BSN: variants seen among roughly 807,000 people sequenced by gnomAD.
BSN encodes the protein protein bassoon.
Under a neutral mutation model 264.8 loss-of-function variants are expected in BSN, and 57 were observed. The ratio of observed to expected loss-of-function variants is 0.22; its 90% confidence interval spans 0.17 to 0.27. The LOEUF (loss-of-function observed/expected upper bound fraction) is 0.27. BSN is among the 10% of genes least tolerant of loss of function. The pLI, the probability that BSN is intolerant of heterozygous loss-of-function variation, is 1.00. For missense variants in BSN, 4,615 were observed against 5,232.5 expected, an observed-to-expected ratio of 0.88 and a Z score of 3.64; for synonymous variants, 2,059 against 2,137.3, an observed-to-expected ratio of 0.96 and a Z score of 1.01.
At chr3:49,560,090 AT>A (rs1166680514) in intron 1 of BSN, among the ~76,000 whole-genome samples, 9 of 152,090 alleles carry the variant, frequency 5.9e-5, no homozygotes, top group Admixed American at 5.2e-4. Flanking sequence ...CAGAAAAGTC[AT>A]GCCTTTCACC....
Position 49,660,622 on chromosome 3 carries a change from G to A in BSN, c.8777G>A (p.Gly2926Glu). ...TATGCAGCCAGCCTGCTGCAGCGAG[G>A]GCTGACGGGGCCCACCACTGTCCCT... ...QLYAASLLQRGLTGPTTVPAT... is the reference protein window; with the variant it reads ...QLYAASLLQRELTGPTTVPAT... The change falls in exon 6 of 12, where the codon GGG becomes GAG. Residue 2926 changes from glycine (G) to glutamate (E), a missense_variant. Coordinates refer to ENST00000296452, the MANE Select transcript of BSN (RefSeq NM_003458.4). The surrounding 1 kb of genome is among the most constrained non-coding windows in gnomAD (Gnocchi z 7.1). The A allele has an allele frequency of 6.2e-7, 1 of 1,612,972 alleles. No individual in the cohort carries two copies. The highest frequency in any genetic ancestry group is 2.2e-5 in the East Asian group (1 of 44,876).
chr3:49,631,014 C>T (rs962018572), intron 2 of BSN, among the ~76,000 whole-genome samples: 1 of 152,264 alleles, frequency 6.6e-6, no homozygotes, highest in Non-Finnish European at 1.5e-5. Context: ...GAGGGCAGCC[C>T]TCTCCCTTCT....
In BSN at chr3:49,613,303, CGAGA is replaced by C. The variant is rs752108805; in HGVS notation, c.225-11629_225-11626del. 9.6e-3 allele frequency among the ~76,000 whole-genome samples: 453 copies of C among 47,334 alleles called. 4 individuals are homozygous for C. The highest frequency in any genetic ancestry group is 0.021 in the African/African-American group (300 of 14,242). 31.1% of individuals were successfully genotyped at this position (47,334 alleles called of 152,430 possible). ...TATATATATATATACACACACAGAG[CGAGA>C]GAGAGAGAGAGAGAGAGAGAGAGAG... is the stretch of plus-strand genomic sequence containing the variant. On this transcript the variant is annotated intron_variant, in intron 1 of 11. Transcript: ENST00000296452.
At chr3:49,643,478 C>T (rs1170973001) in intron 3 of BSN, among the ~76,000 whole-genome samples, 5 of 152,190 alleles carry the variant, frequency 3.3e-5, no homozygotes, top group African/African-American at 4.8e-5. Context: ...ACCAACCTCC[C>T]CTGCTCAGAT....
At chr3:49,632,310 G>A (rs914550383) in intron 2 of BSN, among the ~76,000 whole-genome samples, 2 of 151,878 alleles carry the variant, frequency 1.3e-5, no homozygotes, top group Admixed American at 1.3e-4. Context: ...GGCAACAAAA[G>A]AAAAAATAGA....
At chr3:49,650,346 T>G (rs6774202) in intron 3 of BSN, among the ~76,000 whole-genome samples, 123,055 of 152,084 alleles carry the variant, frequency 0.81, 50,263 homozygotes, top group East Asian at 0.99. Flanking sequence ...TTTTCTGGCC[T>G]GGTGAAAAGT....
intron 1 of BSN, among the ~76,000 whole-genome samples, chr3:49,593,271 A>G (rs2051994402): frequency 6.6e-6 from 1 of 152,218 alleles, no homozygotes; most frequent in Non-Finnish European, 1.5e-5. Flanking sequence ...CATGGTATGC[A>G]TGTATCACAG....
chr3:49,621,779 G>A (rs1000539661), intron 1 of BSN, among the ~76,000 whole-genome samples: 3 of 152,062 alleles, frequency 2.0e-5, no homozygotes, highest in South Asian at 2.1e-4. Context: ...GCACAGCAGC[G>A]TCGTCCTAGC....
In BSN at chr3:49,554,644, G is replaced by A. The variant is rs1046871376; in HGVS notation, c.42G>A (p.Gly14=). 212 of 984,610 alleles carry A rather than the reference G, an allele frequency of 2.2e-4. 3 individuals carry two copies. The East Asian group carries it at 0.012, about 56-fold the overall frequency. The allele number at this position is 984,610 out of a possible 1,614,324, so 61.0% of individuals were successfully genotyped here. The change falls in exon 1 of 12, where the codon GGG becomes GGA. Residue 14 remains glycine (G), a synonymous_variant. Coordinates refer to ENST00000296452, the MANE Select transcript of BSN (RefSeq NM_003458.4). ...EVSLEGGAGD[G]PLPPGGAGPG... is the part of the protein sequence containing the mutation. ...GCCTGGAGGGCGGCGCTGGCGACGG[G>A]CCGCTGCCGCCCGGCGGCGCCGGCC...
chr3:49,621,669 G>A (rs1207265626), intron 1 of BSN, among the ~76,000 whole-genome samples: 2 of 152,122 alleles, frequency 1.3e-5, no homozygotes, highest in East Asian at 3.8e-4. Flanking sequence ...GGAGGGGTAG[G>A]TTGAGAGGGA....
chr3:49,656,607 C>T lies in BSN; in HGVS notation c.7051C>T (p.Arg2351Trp), dbSNP rs370022838. Residue 2351 changes from arginine to tryptophan, a missense_variant, in exon 5 of 12, where the codon CGG (arginine) becomes TGG (tryptophan). Arg to Trp is a moderately radical substitution (Grantham distance 101). Coordinates refer to ENST00000296452, the MANE Select transcript of BSN (RefSeq NM_003458.4). ...TGGGGGTGGCAGTGGGGCCCTCAGC[C>T]GGCCAGGGTTCGAGAAAGAGGAAGC... ...APGGGSGALS[R>W]PGFEKEEASQ... The T allele has an allele frequency of 3.8e-5, 61 of 1,604,410 alleles. No homozygotes were observed. The South Asian group carries it at 4.5e-4, about 12-fold the overall frequency.
intron 1 of BSN, among the ~76,000 whole-genome samples, chr3:49,579,474 C>G (rs2051876877): frequency 6.6e-6 from 1 of 151,748 alleles, no homozygotes; most frequent in Non-Finnish European, 1.5e-5. Flanking sequence ...AGGATCTCTG[C>G]TCACTGCAGC....
chr3:49,657,115 G>A lies in BSN; in HGVS notation c.7559G>A (p.Gly2520Glu), dbSNP rs572762930. The A allele has an allele frequency of 6.2e-7, 1 of 1,612,240 alleles. No homozygotes were observed. Among genetic ancestry groups the A allele is most frequent in the African/African-American group, 1.3e-5 (1 of 74,932 alleles). The part of the protein sequence containing the change: ...FIAMAGPEGL[G>E]QPREPVLHRG... ...GCCATGGCAGGGCCTGAAGGACTTG[G>A]GCAGCCTCGTGAGCCTGTGCTGCAC... The change falls in exon 5 of 12, where the codon GGG (glycine) becomes GAG (glutamate). Residue 2520 changes from glycine to glutamate, a missense_variant. By Grantham distance (98) the Gly-to-Glu change is moderately conservative. Around this residue, in one of 3 missense-constraint regions of BSN, gnomAD observed 3,415 missense variants for 3,866.4 expected, o/e 0.88. Coordinates refer to ENST00000296452, the MANE Select transcript of BSN (RefSeq NM_003458.4).
At chr3:49,573,932 C>T (rs561147905) in intron 1 of BSN, among the ~76,000 whole-genome samples, 6 of 151,700 alleles carry the variant, frequency 4.0e-5, no homozygotes, top group African/African-American at 1.5e-4. Flanking sequence ...GCTGGGATTA[C>T]AGGCATGAGC....
At chr3:49,575,612 T>C (rs1222894681) in intron 1 of BSN, among the ~76,000 whole-genome samples, 2 of 140,828 alleles carry the variant, frequency 1.4e-5, no homozygotes, top group Non-Finnish European at 3.0e-5. Context: ...TACATATATA[T>C]GTGTATATAT....
At chr3:49,663,751 A>G (rs2052686885) in intron 7 of BSN, 36 bp from the exon 8 acceptor site, 1 of 1,613,356 alleles carries the variant, frequency 6.2e-7, no homozygotes, top group South Asian at 1.1e-5. Flanking sequence ...CAGGCTGGGC[A>G]TGGGCAGAAT....
chr3:49,570,123 C>G (rs1345901849), intron 1 of BSN, among the ~76,000 whole-genome samples: 1 of 152,200 alleles, frequency 6.6e-6, no homozygotes, highest in Non-Finnish European at 1.5e-5. Flanking sequence ...TCCCAATGGC[C>G]AAGCACTCAT....
At position 49,661,378 on chromosome 3, in the gene BSN, C is replaced by G. The variant is rs2052652994; in HGVS notation, c.9533C>G (p.Thr3178Ser). 1 of 1,613,900 alleles carries G rather than the reference C, an allele frequency of 6.2e-7. No homozygotes were observed. Among genetic ancestry groups the G allele is most frequent in the African/African-American group, 1.3e-5 (1 of 74,924 alleles). ...CCCATGTCTTCAGCCCCATCTGAAACCAGCTACAGTGGCCCAGCAGTGAGC... is the reference window on the plus strand; with the variant it reads ...CCCATGTCTTCAGCCCCATCTGAAAGCAGCTACAGTGGCCCAGCAGTGAGC... ...VVPMSSAPSE[T>S]SYSGPAVSSG... The change falls in exon 6 of 12, where the codon ACC becomes AGC. Residue 3178 changes from threonine (T) to serine (S), a missense_variant. By Grantham distance (58) the Thr-to-Ser change is moderately conservative. Coordinates refer to ENST00000296452, the MANE Select transcript of BSN (RefSeq NM_003458.4).
At chr3:49,632,648 A>T (rs78158066) in intron 2 of BSN, among the ~76,000 whole-genome samples, 1 of 152,106 alleles carries the variant, frequency 6.6e-6, no homozygotes, top group Non-Finnish European at 1.5e-5. Context: ...TACTAAAAAT[A>T]AAAAAATAAG....
Sources: allele counts gnomAD v4.1 joint callset (sites outside exome capture counted in the v4.1 genomes callset), GRCh38; gene constraint gnomAD v4.1.1; regional missense constraint gnomAD v4.1.1; non-coding constraint Gnocchi (gnomAD v3.1); transcripts MANE v1.5; gene names NCBI Gene and HGNC (gene_info 2026-07-23, HGNC 2026-07-21).